Variants in SYNPO2 observed in about 807,000 individuals in gnomAD.
SYNPO2 encodes the protein synaptopodin-2.
SYNPO2 carries 56 observed loss-of-function variants against 85.0 expected under a neutral mutation model. The ratio of observed to expected loss-of-function variants is 0.66; its 90% confidence interval spans 0.53 to 0.82. The LOEUF (loss-of-function observed/expected upper bound fraction) is 0.82, where lower values mean the gene tolerates loss of function less well. Ranked by LOEUF, SYNPO2 falls within the 40% of genes least tolerant of loss-of-function variation. The pLI is 0.00. For missense variants in SYNPO2, 1,575 were observed against 1,534.2 expected, an observed-to-expected ratio of 1.03 and a Z score of -0.44; for synonymous variants, 602 against 591.1, an observed-to-expected ratio of 1.02 and a Z score of -0.27.
chr4:118,853,378 AT>A lies in SYNPO2; in HGVS notation c.12+2441del, dbSNP rs540165079. Reference sequence around the variant, plus strand: ...CTTCATATACCATCAAATTTAGGATATTTCCCCCCCTCCTGATTTAAATAAG... The same window carrying A: ...CTTCATATACCATCAAATTTAGGATATTCCCCCCCTCCTGATTTAAATAAG... On this transcript the variant is annotated intron_variant, in intron 1 of 4. Coordinates refer to the SYNPO2 transcript ENST00000610556. 2.8e-3 allele frequency among the ~76,000 whole-genome samples: 427 copies of A among 152,194 alleles called. 2 individuals carry two copies. The highest frequency in any genetic ancestry group is 9.6e-3 in the African/African-American group (399 of 41,534).
In SYNPO2 at chr4:119,030,899, T is replaced by A; in HGVS notation, c.2124T>A (p.Pro708=). The A allele has an allele frequency of 6.2e-7, 1 of 1,614,182 alleles. No individual in the cohort carries two copies. Among genetic ancestry groups the A allele is most frequent in the Non-Finnish European group, 8.5e-7 (1 of 1,180,034 alleles). ...AAGAGCCCAAAGTAAGCCCAAATCC[T>A]GAACTCTTGTCACTCCTTCAAAATT... is the stretch of plus-strand genomic sequence containing the variant. ...TFKEPKVSPN[P]ELLSLLQNSE... Residue 708 remains proline, a synonymous_variant, in exon 4 of 5, where the codon CCT becomes CCA. Coordinates refer to ENST00000307142, the MANE Select transcript of SYNPO2 (RefSeq NM_133477.3).
chr4:118,922,304 A>G (rs1001522974), intron 1 of SYNPO2, among the ~76,000 whole-genome samples: 1 of 152,116 alleles, frequency 6.6e-6, no homozygotes, highest in Non-Finnish European at 1.5e-5. Flanking sequence ...TGATAGGGTT[A>G]TTTCTTTCCC....
At chr4:119,028,131 C>T (rs75820088) in intron 3 of SYNPO2, among the ~76,000 whole-genome samples, 3,290 of 151,962 alleles carry the variant, frequency 0.022, 109 homozygotes, top group East Asian at 0.12. Flanking sequence ...TTGTTTTACC[C>T]AGGGGAGAGA....
At chr4:118,869,662 T>C (rs1304976397) in intron 1 of SYNPO2, among the ~76,000 whole-genome samples, 1 of 152,126 alleles carries the variant, frequency 6.6e-6, no homozygotes, top group African/African-American at 2.4e-5. Flanking sequence ...CAAGTTCCTA[T>C]CTGGTTTAGC....
chr4:118,985,080 G>A (rs1344192368), intron 1 of SYNPO2, among the ~76,000 whole-genome samples: 1 of 152,180 alleles, frequency 6.6e-6, no homozygotes, highest in African/African-American at 2.4e-5. Context: ...GAAACCTACT[G>A]GTTCAGAGTC....
chr4:118,900,784 T>TATC, intron 1 of SYNPO2, among the ~76,000 whole-genome samples: 1 of 147,626 alleles, frequency 6.8e-6, no homozygotes, highest in South Asian at 2.2e-4. Context: ...TCTATCTATC[T>TATC]ATAGATATTT....
At chr4:119,032,459 A>G in intron 4 of SYNPO2, 1 of 1,045,572 alleles carries the variant, frequency 9.6e-7, no homozygotes, top group Non-Finnish European at 1.2e-6. Flanking sequence ...ACCTATATTG[A>G]CTGAGATTTC....
chr4:118,994,165 G>A (rs76564098), intron 1 of SYNPO2, among the ~76,000 whole-genome samples: 2,545 of 152,312 alleles, frequency 0.017, 46 homozygotes, highest in African/African-American at 0.045. Flanking sequence ...ACTGTGCTCC[G>A]CTGGTGATGC....
chr4:118,870,999 A>G (rs923105982), intron 1 of SYNPO2, among the ~76,000 whole-genome samples: 1 of 152,228 alleles, frequency 6.6e-6, no homozygotes, highest in African/African-American at 2.4e-5. Context: ...GACACCCAAG[A>G]CTGCAGAAAT....
chr4:119,049,540 A>G (rs1217725757), intron 4 of SYNPO2, among the ~76,000 whole-genome samples: 1 of 152,224 alleles, frequency 6.6e-6, no homozygotes, highest in Non-Finnish European at 1.5e-5. Context: ...CTCACGACAC[A>G]TACATCAGAT....
rs935066920 is a variant in SYNPO2 at position 119,022,729 on chromosome 4, T to A, written c.106-701T>A. Among the ~76,000 whole-genome samples the A allele has an allele frequency of 4.1e-5, 6 of 147,224 alleles. No individual in the cohort carries two copies. The Admixed American group carries it at 4.1e-4, about 10-fold the overall frequency. On this transcript the variant is annotated intron_variant, in intron 1 of 4. Transcript: ENST00000307142. ...TTTATATTTTATTTTATTTTAATTT[T>A]ATTTTATTTTATGTTTTATTTTATT...
chr4:119,060,494 C>G lies in SYNPO2; in HGVS notation c.*2560C>G, dbSNP rs190823208. ...TGAAAATGAATAAAGTTAGATTGCT[C>G]ACATTGAAGCTAATGGTTGAGACAA... On this transcript the variant is annotated 3_prime_UTR_variant, in exon 5 of 5. Transcript: ENST00000307142. The G allele has an allele frequency of 6.6e-6, 1 of 152,128 alleles. No homozygotes were observed. Among genetic ancestry groups the G allele is most frequent in the Non-Finnish European group, 1.5e-5 (1 of 68,010 alleles). The allele number at this position is 152,128 out of a possible 1,614,324, so 9.4% of individuals were successfully genotyped here. A position where few individuals can be genotyped will look rare whatever the true frequency, so the allele number is the denominator to read the frequency against.
chr4:119,022,921 C>T (rs534045137), intron 1 of SYNPO2, among the ~76,000 whole-genome samples: 20 of 151,822 alleles, frequency 1.3e-4, no homozygotes, highest in Admixed American at 1.3e-4. Flanking sequence ...GGACTACAGG[C>T]GCACACCACC....
chr4:119,049,296 T>C (rs1362207756), intron 4 of SYNPO2, among the ~76,000 whole-genome samples: 1 of 152,360 alleles, frequency 6.6e-6, no homozygotes, highest in South Asian at 2.1e-4. Context: ...GCAAAAGAAA[T>C]ACTTTTTATT....
At chr4:118,879,342 G>T (rs1732019207) in intron 1 of SYNPO2, among the ~76,000 whole-genome samples, 1 of 152,172 alleles carries the variant, frequency 6.6e-6, no homozygotes, top group Non-Finnish European at 1.5e-5. Context: ...GGAACTGAAC[G>T]TTTTTGTCTC....
intron 1 of SYNPO2, among the ~76,000 whole-genome samples, chr4:118,899,928 A>G (rs1732665739): frequency 1.3e-5 from 2 of 151,984 alleles, no homozygotes; most frequent in East Asian, 3.9e-4. Flanking sequence ...TCCCCAGCTA[A>G]TTTTTGTAGT....
chr4:118,911,326 C>T (rs1231646543), intron 1 of SYNPO2, among the ~76,000 whole-genome samples: 1 of 152,160 alleles, frequency 6.6e-6, no homozygotes, highest in Non-Finnish European at 1.5e-5. Flanking sequence ...ACTGCATGAA[C>T]TGCCTTGGTT....
intron 1 of SYNPO2, among the ~76,000 whole-genome samples, chr4:118,949,750 AAAAATAAAAT>A (rs76494884): frequency 4.6e-5 from 7 of 151,296 alleles, no homozygotes; most frequent in Non-Finnish European, 7.4e-5. Context: ...CTCTGTCTCA[AAAAATAAAAT>A]AAAATAAAAT....
intron 1 of SYNPO2, among the ~76,000 whole-genome samples, chr4:119,021,631 T>A (rs1359957624): frequency 6.6e-6 from 1 of 152,164 alleles, no homozygotes; most frequent in Non-Finnish European, 1.5e-5. Flanking sequence ...ATAGGTGGCA[T>A]GCTCAAAGAA....
Sources: gnomAD v4.1 joint callset for allele counts (sites outside exome capture counted in the v4.1 genomes callset) on GRCh38, gnomAD v4.1.1 for gene constraint, MANE v1.5 for transcripts, NCBI Gene and HGNC (gene_info 2026-07-23, HGNC 2026-07-21) for gene names.